Variants in ACSM6 observed in about 807,000 individuals in gnomAD.
ACSM6 encodes acyl-CoA synthetase medium chain family member 6.
In ACSM6, 35 loss-of-function variants were observed where a neutral mutation model predicts 51.1. The ratio of observed to expected loss-of-function variants is 0.69; its 90% CI spans 0.52 to 0.91. The LOEUF is 0.91. Ranked by LOEUF, ACSM6 falls within the 40% of genes least tolerant of loss-of-function variation. The probability of loss-of-function intolerance (pLI) is 0.00; values close to 1 mark genes in which losing one functional copy is unlikely to be tolerated. For synonymous variants in ACSM6, 172 were observed against 207.3 expected (o/e 0.83, Z 1.46); for missense variants, 509 against 584.1 (o/e 0.87, Z 1.32).
intron 10 of ACSM6, among the ~76,000 whole-genome samples, chr10:95,226,978 T>C (rs900515588): frequency 4.1e-5 from 6 of 146,966 alleles, no homozygotes; most frequent in African/African-American, 1.5e-4. Flanking sequence ...CAGTAAATCT[T>C]ATATGACAAC....
chr10:95,223,647 C>T (rs2035013799), intron 9 of ACSM6, among the ~76,000 whole-genome samples: 1 of 151,676 alleles, frequency 6.6e-6, no homozygotes, highest in African/African-American at 2.4e-5. Flanking sequence ...GGTAACAACC[C>T]TCAACAAACT....
chr10:95,224,939 C>G (rs1198402519), intron 9 of ACSM6, among the ~76,000 whole-genome samples: 1 of 152,196 alleles, frequency 6.6e-6, no homozygotes, highest in African/African-American at 2.4e-5. Context: ...CAATGGAGCC[C>G]TTACCTGTAT....
At chr10:95,212,128 C>CA (rs1346075805) in intron 6 of ACSM6, 94 bp downstream of exon 6, 1 of 1,454,180 alleles carries the variant, frequency 6.9e-7, no homozygotes, top group Non-Finnish European at 9.5e-7. Context: ...TGGGGCAAAT[C>CA]AAGAGTTAAA....
At chr10:95,194,719 C>G (rs1462864549) in intron 2 of ACSM6, 42 bp downstream of exon 2, 1 of 1,507,920 alleles carries the variant, frequency 6.6e-7, no homozygotes, top group African/African-American at 1.4e-5. Flanking sequence ...TTGGCCAAGG[C>G]CAGTTGGTAA....
At chr10:95,215,540 G>C (rs1450519699) in intron 8 of ACSM6, among the ~76,000 whole-genome samples, 4 of 152,156 alleles carry the variant, frequency 2.6e-5, no homozygotes, top group Non-Finnish European at 5.9e-5. Context: ...AAGGGCAGCA[G>C]GCAAGGGATA....
chr10:95,227,471 C>A (rs963347398), intron 10 of ACSM6, among the ~76,000 whole-genome samples: 1 of 152,024 alleles, frequency 6.6e-6, no homozygotes, highest in African/African-American at 2.4e-5. Flanking sequence ...TGAGTTAAAG[C>A]CTAGGTAAAA....
chr10:95,196,126 C>T (rs922425317), intron 2 of ACSM6, among the ~76,000 whole-genome samples: 26 of 152,182 alleles, frequency 1.7e-4, no homozygotes, highest in African/African-American at 5.5e-4. Context: ...CTAGGGCTAG[C>T]GTTGTGCCTT....
chr10:95,207,068 G>A (rs1044433415), intron 3 of ACSM6, 140 bp from the exon 4 acceptor site: 41 of 725,166 alleles, frequency 5.7e-5, no homozygotes, highest in African/African-American at 4.8e-4. Flanking sequence ...AGTCGCCATC[G>A]TGTTACTGAC....
At position 95,216,063 on chromosome 10, in the gene ACSM6, G is replaced by A. The variant is rs750131639; in HGVS notation, c.1119+1088G>A. Among the ~76,000 whole-genome samples the A allele has an allele frequency of 3.9e-5, 6 of 152,200 alleles. No homozygotes were observed. The East Asian group carries it at 1.2e-3, about 29-fold the overall frequency. On this transcript the variant is annotated intron_variant, in intron 8 of 10. Coordinates refer to ENST00000341686, the Ensembl canonical transcript of ACSM6. Reference sequence around the variant, plus strand: ...CCAACCTCAGCCTCTCAAACAGTTGGGACTACAGGTGTGCACCACCATGCT... The same window carrying A: ...CCAACCTCAGCCTCTCAAACAGTTGAGACTACAGGTGTGCACCACCATGCT...
intron 4 of ACSM6, among the ~76,000 whole-genome samples, chr10:95,209,203 T>TGAGGGAACACTGTCCCTTGCA (rs2034870945): frequency 6.6e-6 from 1 of 152,162 alleles, no homozygotes; most frequent in Non-Finnish European, 1.5e-5. Context: ...TTGGAAGCTC[T>TGAGGGAACACTGTCCCTTGCA]GAGGGAACAC....
chr10:95,200,372 A>C (rs2034779537), intron 2 of ACSM6, among the ~76,000 whole-genome samples: 1 of 150,202 alleles, frequency 6.7e-6, no homozygotes, highest in Non-Finnish European at 1.5e-5. Flanking sequence ...GGGGAGGGAT[A>C]GCATTGGGTG....
chr10:95,220,251 T>A (rs538871868), intron 9 of ACSM6, among the ~76,000 whole-genome samples: 1 of 152,106 alleles, frequency 6.6e-6, no homozygotes, highest in Non-Finnish European at 1.5e-5. Flanking sequence ...ATAAAAAAAA[T>A]TGCTATTAAA....
At chr10:95,223,788 T>C (rs1374155887) in intron 9 of ACSM6, among the ~76,000 whole-genome samples, 2 of 151,892 alleles carry the variant, frequency 1.3e-5, no homozygotes, top group African/African-American at 4.8e-5. Flanking sequence ...TCACTCTTCA[T>C]AGAGGTTCTA....
chr10:95,200,199 G>A (rs886630950), intron 2 of ACSM6, among the ~76,000 whole-genome samples: 16 of 151,954 alleles, frequency 1.1e-4, no homozygotes, highest in Non-Finnish European at 2.1e-4. Context: ...CCTTTGTAGG[G>A]ACATGGATGA....
intron 8 of ACSM6, among the ~76,000 whole-genome samples, chr10:95,215,697 C>G (rs760700811): frequency 6.6e-6 from 1 of 152,194 alleles, no homozygotes; most frequent in Non-Finnish European, 1.5e-5. Context: ...TTGTCTTAGT[C>G]TGCTCAGGCT....
intron 4 of ACSM6, among the ~76,000 whole-genome samples, 157 bp from the exon 5 acceptor site, chr10:95,210,493 G>A (rs1291390082): frequency 1.3e-5 from 2 of 152,120 alleles, no homozygotes; most frequent in Non-Finnish European, 2.9e-5. Context: ...AAAATTTAAG[G>A]GAAAAATGGC....
chr10:95,211,954 G>T, exon 6 of ACSM6: 2 of 1,613,984 alleles, frequency 1.2e-6, no homozygotes, highest in South Asian at 2.2e-5. Flanking sequence ...ATCCCTGAGC[G>T]CTGTCTTGGG....
At chr10:95,194,567 T>A in exon 2 of ACSM6, 1 of 1,552,000 alleles carries the variant, frequency 6.4e-7, no homozygotes, top group East Asian at 2.4e-5. Context: ...AAACCAAAAA[T>A]GTGCTACTCA....
At chr10:95,210,939 C>T in intron 5 of ACSM6, 146 bp downstream of exon 5, 2 of 961,930 alleles carry the variant, frequency 2.1e-6, no homozygotes, top group Non-Finnish European at 2.9e-6. Context: ...GGCTGAGGGC[C>T]CCAAAAGATG....
Sources: allele counts gnomAD v4.1 joint callset (sites outside exome capture counted in the v4.1 genomes callset), GRCh38; gene constraint gnomAD v4.1.1; transcripts MANE v1.5; gene names NCBI Gene and HGNC (gene_info 2026-07-23, HGNC 2026-07-21).